KANK1: variants seen among roughly 807,000 people sequenced by gnomAD.
KANK1 encodes KN motif and ankyrin repeat domains 1.
A neutral mutation model predicts 106.2 loss-of-function variants in KANK1; 109 were observed. The observed-to-expected ratio is 1.03, with a 90% CI of 0.88 to 1.20. The LOEUF (loss-of-function observed/expected upper bound fraction) is 1.20. KANK1 is among the 50% of genes most tolerant of loss of function. KANK1 has a pLI of 0.00. For missense variants in KANK1, 2,399 were observed against 1,710.7 expected (o/e 1.40, Z -7.10); for synonymous variants, 873 against 652.2 (o/e 1.34, Z -5.16).
Position 687,040 on chromosome 9 carries a change from T to C in KANK1, c.37+10031T>C, listed in dbSNP as rs73642805. 3.5e-4 allele frequency: 145 copies of C among 416,118 alleles called. 1 individual carries two copies. The highest frequency in any genetic ancestry group is 1.8e-3 in the East Asian group (8 of 4,532). The allele number at this position is 416,118 out of a possible 1,614,324, so 25.8% of individuals were successfully genotyped here. Reference sequence around the variant, plus strand: ...TGCTGAATTTCTTTTCTTTTCTTTTTTTTTAATACTGCTGCATTTCAATTG... The same window carrying C: ...TGCTGAATTTCTTTTCTTTTCTTTTCTTTTAATACTGCTGCATTTCAATTG... On this transcript the variant is annotated intron_variant, in intron 2 of 11. Coordinates refer to ENST00000382297, the MANE Select transcript of KANK1 (RefSeq NM_015158.5).
At chr9:565,641 T>C (rs1476145422) in intron 1 of KANK1, among the ~76,000 whole-genome samples, 1 of 152,156 alleles carries the variant, frequency 6.6e-6, no homozygotes, top group African/African-American at 2.4e-5. Context: ...CCTCATTTGC[T>C]GAGTCTGCCT....
chr9:486,431 A>C (rs144971038), intron 3 of KANK1, among the ~76,000 whole-genome samples: 6 of 152,304 alleles, frequency 3.9e-5, no homozygotes, highest in African/African-American at 1.4e-4. Context: ...GTACTGTATA[A>C]ATATTAACTC....
chr9:682,506 T>C (rs75216550), intron 2 of KANK1, among the ~76,000 whole-genome samples: 2,156 of 152,296 alleles, frequency 0.014, 51 homozygotes, highest in African/African-American at 0.05. Context: ...TCATGGAAAA[T>C]AGTTTTCAAA....
intron 1 of KANK1, among the ~76,000 whole-genome samples, chr9:667,659 C>G (rs555495390): frequency 6.7e-6 from 1 of 149,356 alleles, no homozygotes; most frequent in East Asian, 2.0e-4. Context: ...TTTAAATGTT[C>G]TTATTTCTTC....
At chr9:553,007 C>G (rs1002560018) in intron 1 of KANK1, among the ~76,000 whole-genome samples, 1 of 152,042 alleles carries the variant, frequency 6.6e-6, no homozygotes, top group Non-Finnish European at 1.5e-5. Context: ...TTATCCAGGC[C>G]TGGTGGCACA....
Position 713,176 on chromosome 9 carries a change from G to A in KANK1, c.2410G>A (p.Val804Ile). The A allele has an allele frequency of 6.3e-7, 1 of 1,586,936 alleles. No homozygotes were observed. The highest frequency in any genetic ancestry group is 1.2e-5 in the South Asian group (1 of 84,954). ...RRSVGVGDDPVGESLENPQPQ... is the reference protein window; with the variant it reads ...RRSVGVGDDPIGESLENPQPQ... ...GAGCGTGGGGGTTGGGGATGACCCT[G>A]TAGGGGAATCTCTGGAGAACCCCCA... The change falls in exon 3 of 12, where the codon GTA becomes ATA. Residue 804 changes from valine to isoleucine, a missense_variant. Physicochemically the swap from Val to Ile is conservative, Grantham distance 29 (BLOSUM62 3). Transcript: ENST00000382297.
At chr9:537,024 G>A (rs2060335501) in intron 1 of KANK1, among the ~76,000 whole-genome samples, 2 of 152,102 alleles carry the variant, frequency 1.3e-5, no homozygotes, top group South Asian at 4.2e-4. Context: ...CTCTCTTTTA[G>A]GACAAGGAAG....
chr9:733,764 A>G (rs1230656455), intron 6 of KANK1: 1 of 152,204 alleles, frequency 6.6e-6, no homozygotes, highest in Non-Finnish European at 1.5e-5. Context: ...CCTGTCTCAG[A>G]AAAAAAGTAA....
chr9:666,993 C>G (rs529607302), intron 1 of KANK1, among the ~76,000 whole-genome samples: 2 of 59,724 alleles, frequency 3.3e-5, no homozygotes, highest in South Asian at 8.8e-4. Context: ...GCATTCCTTC[C>G]TCTTCAATTT....
At chr9:660,153 A>C (rs1280145457) in intron 1 of KANK1, 6 of 329,644 alleles carry the variant, frequency 1.8e-5, no homozygotes, top group Admixed American at 3.3e-5. Flanking sequence ...GATTATGATA[A>C]AAAGAAACCA....
intron 1 of KANK1, among the ~76,000 whole-genome samples, chr9:519,451 C>G (rs191777614): frequency 6.6e-6 from 1 of 151,792 alleles, no homozygotes; most frequent in African/African-American, 2.4e-5. Context: ...TATTGTTTTT[C>G]TTTGGCTTCT....
In KANK1 at chr9:638,927, C is replaced by G. The variant is rs189565182; in HGVS notation, c.-83-37963C>G. 1.8e-4 allele frequency among the ~76,000 whole-genome samples: 27 copies of G among 152,288 alleles called. No individual in the cohort carries two copies. In the East Asian group the frequency reaches 3.7e-3, roughly 21 times the overall value. On this transcript the variant is annotated intron_variant, in intron 1 of 11. Transcript: ENST00000382297. ...AGTAGTTCATTCCTTTTTCCTATGG[C>G]TGAGCAAGTGGATTTGACTGTACTT... is the stretch of plus-strand genomic sequence containing the variant.
intron 2 of KANK1, among the ~76,000 whole-genome samples, chr9:700,802 C>G (rs1564011318): frequency 6.6e-6 from 1 of 152,148 alleles, no homozygotes; most frequent in African/African-American, 2.4e-5. Context: ...AGTTGTGGCA[C>G]AGGGGTGTAA....
At chr9:583,521 A>G (rs1042904012) in intron 1 of KANK1, among the ~76,000 whole-genome samples, 1 of 152,094 alleles carries the variant, frequency 6.6e-6, no homozygotes, top group Non-Finnish European at 1.5e-5. Context: ...CACATGACAA[A>G]GCTTAATATT....
intron 10 of KANK1, among the ~76,000 whole-genome samples, chr9:744,198 G>GA (rs562540937): frequency 1.6e-4 from 22 of 139,462 alleles, no homozygotes; most frequent in Admixed American, 2.9e-4. Flanking sequence ...TTAATTAGAA[G>GA]AAAAAAAAAC....
At chr9:718,907 C>G (rs545503009) in intron 3 of KANK1, among the ~76,000 whole-genome samples, 1 of 149,490 alleles carries the variant, frequency 6.7e-6, no homozygotes, top group Admixed American at 6.6e-5. Context: ...ACTGCCTGTT[C>G]CCCAAACCAT....
chr9:709,965 A>G (rs1219391081), intron 2 of KANK1, among the ~76,000 whole-genome samples: 3 of 152,176 alleles, frequency 2.0e-5, no homozygotes, highest in African/African-American at 7.2e-5. Flanking sequence ...GTAAGGACTT[A>G]CTATGTGCTT....
chr9:475,662 A>T (rs2058090229), intron 3 of KANK1, among the ~76,000 whole-genome samples: 1 of 152,158 alleles, frequency 6.6e-6, no homozygotes, highest in Non-Finnish European at 1.5e-5. Flanking sequence ...GCATAATATT[A>T]CATGACAAAA....
At chr9:700,596 C>T (rs1445546334) in intron 2 of KANK1, among the ~76,000 whole-genome samples, 1 of 152,132 alleles carries the variant, frequency 6.6e-6, no homozygotes, top group African/African-American at 2.4e-5. Flanking sequence ...CAGCAGGATG[C>T]TTACACTCTG....
Sources: allele counts gnomAD v4.1 joint callset (sites outside exome capture counted in the v4.1 genomes callset), GRCh38; gene constraint gnomAD v4.1.1; transcripts MANE v1.5; gene names NCBI Gene and HGNC (gene_info 2026-07-23, HGNC 2026-07-21).